The following EYS variants were observed in gnomAD, a reference collection of about 807,000 sequenced individuals.
The protein encoded by EYS is protein eyes shut homolog.
Under a neutral mutation model 282.1 loss-of-function variants are expected in EYS, and 250 were observed. The ratio of observed to expected loss-of-function variants is 0.89; its 90% CI spans 0.80 to 0.98. EYS has a LOEUF of 0.98. Among genes scored for constraint, EYS ranks in the 50% least tolerant of loss-of-function variants. The pLI is 0.00. For synonymous variants in EYS, 1,355 were observed against 1,282.9 expected (o/e 1.06, Z -1.20); for missense variants, 4,016 against 3,709.0 (o/e 1.08, Z -2.15).
intron 33 of EYS, among the ~76,000 whole-genome samples, chr6:64,009,450 A>T (rs1490621168): frequency 2.0e-5 from 3 of 151,336 alleles, no homozygotes; most frequent in Non-Finnish European, 4.4e-5. Flanking sequence ...CGCAAGGCTA[A>T]TTTTTTTGTA....
chr6:65,488,791 G>A (rs541077401), intron 5 of EYS, among the ~76,000 whole-genome samples: 1 of 152,170 alleles, frequency 6.6e-6, no homozygotes, highest in East Asian at 1.9e-4. Context: ...ATAGACCAAT[G>A]GAACAGAATG....
chr6:64,125,154 G>C (rs199677091), intron 31 of EYS, among the ~76,000 whole-genome samples: 5,140 of 145,008 alleles, frequency 0.035, 81 homozygotes, highest in Non-Finnish European at 0.047. Flanking sequence ...CACACTCTCT[G>C]TCTCTCTCTC....
chr6:64,241,146 C>A (rs1053512591), intron 30 of EYS, among the ~76,000 whole-genome samples: 3 of 152,034 alleles, frequency 2.0e-5, no homozygotes, highest in African/African-American at 7.2e-5. Flanking sequence ...TTAGGTTTGC[C>A]AGTATTTTAT....
chr6:64,221,477 C>G (rs1414418853), intron 31 of EYS, among the ~76,000 whole-genome samples: 1 of 152,070 alleles, frequency 6.6e-6, no homozygotes, highest in Non-Finnish European at 1.5e-5. Flanking sequence ...CTTGGACTTT[C>G]TAGTCTCCAG....
chr6:64,869,098 C>T (rs1766513888), intron 19 of EYS, among the ~76,000 whole-genome samples: 1 of 151,396 alleles, frequency 6.6e-6, no homozygotes, highest in Non-Finnish European at 1.5e-5. Flanking sequence ...TCATACCTTA[C>T]ACTTCATTTT....
intron 36 of EYS, among the ~76,000 whole-genome samples, chr6:63,840,569 T>C (rs898450810): frequency 4.6e-5 from 7 of 152,192 alleles, no homozygotes; most frequent in African/African-American, 1.4e-4. Context: ...ATTTTTGCTT[T>C]TGTTGTCTGT....
intron 13 of EYS, among the ~76,000 whole-genome samples, chr6:65,012,148 A>G (rs1246310674): frequency 6.6e-6 from 1 of 152,196 alleles, no homozygotes; most frequent in African/African-American, 2.4e-5. Flanking sequence ...TTCAATCCTG[A>G]AAAATTTTTT....
At chr6:64,564,719 T>A (rs7738239) in intron 26 of EYS, among the ~76,000 whole-genome samples, 4,557 of 145,010 alleles carry the variant, frequency 0.031, 150 homozygotes, top group East Asian at 0.11. Context: ...TTCTCACTCA[T>A]AAGTGGGAAT....
At chr6:65,273,824 T>C (rs1422499151) in intron 12 of EYS, among the ~76,000 whole-genome samples, 1 of 152,204 alleles carries the variant, frequency 6.6e-6, no homozygotes, top group African/African-American at 2.4e-5. Context: ...GTTCAGCTTT[T>C]TGTATGCGAA....
chr6:65,406,607 C>G (rs1012625208), intron 5 of EYS, among the ~76,000 whole-genome samples: 3 of 151,960 alleles, frequency 2.0e-5, no homozygotes, highest in Non-Finnish European at 4.4e-5. Flanking sequence ...TGTGGGATAA[C>G]GACTTAGCTT....
At chr6:64,589,252 C>T (rs530729315) in intron 26 of EYS, among the ~76,000 whole-genome samples, 1 of 151,700 alleles carries the variant, frequency 6.6e-6, no homozygotes, top group East Asian at 1.9e-4. Flanking sequence ...TATGATATAC[C>T]AAATAGAATG....
intron 2 of EYS, among the ~76,000 whole-genome samples, chr6:65,571,132 T>TA (rs894985592): frequency 2.0e-5 from 3 of 151,924 alleles, no homozygotes; most frequent in African/African-American, 2.4e-5. Flanking sequence ...GGGGCATTTG[T>TA]AAAAAAAGAC....
chr6:63,990,894 C>G (rs932724907), intron 34 of EYS, among the ~76,000 whole-genome samples: 1 of 151,656 alleles, frequency 6.6e-6, no homozygotes, highest in African/African-American at 2.4e-5. Flanking sequence ...TTCATGGCCT[C>G]TCCCTCAGGA....
intron 35 of EYS, among the ~76,000 whole-genome samples, chr6:63,973,490 T>A (rs1766688123): frequency 6.6e-6 from 1 of 152,168 alleles, no homozygotes; most frequent in African/African-American, 2.4e-5. Context: ...GTCTAAAAAA[T>A]TAGAATTTAT....
At chr6:65,051,260 G>A (rs1440531656) in intron 13 of EYS, among the ~76,000 whole-genome samples, 6 of 151,356 alleles carry the variant, frequency 4.0e-5, no homozygotes, top group Non-Finnish European at 8.9e-5. Context: ...AAGGACAATT[G>A]TTTTAACAGT....
intron 29 of EYS, among the ~76,000 whole-genome samples, chr6:64,359,579 G>T (rs1035524298): frequency 6.6e-6 from 1 of 151,674 alleles, no homozygotes; most frequent in African/African-American, 2.4e-5. Flanking sequence ...AGACTGGGTG[G>T]CTTCAACAAC....
At chr6:65,686,522 A>G (rs1284366075) in intron 1 of EYS, among the ~76,000 whole-genome samples, 2 of 152,150 alleles carry the variant, frequency 1.3e-5, no homozygotes, top group Non-Finnish European at 2.9e-5. Context: ...TAGCACACAC[A>G]CAAACACATA....
At chr6:65,252,226 C>A (rs1395890139) in intron 12 of EYS, among the ~76,000 whole-genome samples, 1 of 151,794 alleles carries the variant, frequency 6.6e-6, no homozygotes, top group African/African-American at 2.4e-5. Context: ...AAAGTGACCC[C>A]ATCACATTTT....
intron 21 of EYS, among the ~76,000 whole-genome samples, chr6:64,816,594 G>C (rs560499095): frequency 1.3e-5 from 2 of 152,178 alleles, no homozygotes; most frequent in African/African-American, 4.8e-5. Flanking sequence ...TAATGGAATA[G>C]CTAGAGAACA....
Sources: allele counts gnomAD v4.1 joint callset (sites outside exome capture counted in the v4.1 genomes callset), GRCh38; gene constraint gnomAD v4.1.1; transcripts MANE v1.5; gene names NCBI Gene and HGNC (gene_info 2026-07-23, HGNC 2026-07-21).